Variants in POFUT3 observed in about 807,000 individuals in gnomAD.
The protein encoded by POFUT3 is protein O-fucosyltransferase 3, also known as GDP-fucose protein O-fucosyltransferase 3.
the POFUT3 span, among the ~76,000 whole-genome samples, chr8:33,366,163 A>T: frequency 6.6e-6 from 1 of 152,214 alleles, no homozygotes; most frequent in African/African-American, 2.4e-5. Flanking sequence ...AAGGACAGAA[A>T]ACCAAACACT....
the POFUT3 span, among the ~76,000 whole-genome samples, chr8:33,463,946 A>G: frequency 1.3e-5 from 2 of 152,056 alleles, no homozygotes; most frequent in African/African-American, 2.4e-5. Flanking sequence ...TCTTTCATCC[A>G]TGAAATTCCC....
chr8:33,450,680 G>T, the POFUT3 span, among the ~76,000 whole-genome samples: 6 of 152,134 alleles, frequency 3.9e-5, no homozygotes, highest in Admixed American at 6.6e-5. Context: ...CATAGATTCG[G>T]TTCTCCATGA....
At chr8:33,374,082 C>G in the POFUT3 span, among the ~76,000 whole-genome samples, 1 of 152,218 alleles carries the variant, frequency 6.6e-6, no homozygotes, top group Admixed American at 6.5e-5. Context: ...GCATTGCCGT[C>G]TGAGCTCTGC....
the POFUT3 span, among the ~76,000 whole-genome samples, chr8:33,355,817 G>T: frequency 1.3e-5 from 2 of 151,700 alleles, no homozygotes; most frequent in Admixed American, 6.6e-5. Flanking sequence ...GCTATCCCTC[G>T]CCCCTCCCCC....
chr8:33,442,432 C>T, the POFUT3 span, among the ~76,000 whole-genome samples: 2 of 152,144 alleles, frequency 1.3e-5, no homozygotes, highest in South Asian at 2.1e-4. Context: ...GGACTACAGG[C>T]GCCTGCCACC....
At chr8:33,352,357 C>T in the POFUT3 span, among the ~76,000 whole-genome samples, 10 of 152,284 alleles carry the variant, frequency 6.6e-5, no homozygotes, top group Middle Eastern at 6.8e-3. Flanking sequence ...ATACCTTAAA[C>T]GGGGCTTTAT....
chr8:33,358,236 G>A, the POFUT3 span, among the ~76,000 whole-genome samples: 10 of 152,226 alleles, frequency 6.6e-5, no homozygotes, highest in South Asian at 2.1e-3. Flanking sequence ...CTGGGCAACA[G>A]AGCAAAACCC....
the POFUT3 span, among the ~76,000 whole-genome samples, chr8:33,315,202 A>G: frequency 2.4e-4 from 36 of 152,302 alleles, no homozygotes; most frequent in Admixed American, 2.4e-3. Flanking sequence ...CCATCCCTGA[A>G]TCACTCAAAA....
chr8:33,339,230 T>C, the POFUT3 span, among the ~76,000 whole-genome samples: 1 of 151,916 alleles, frequency 6.6e-6, no homozygotes, highest in African/African-American at 2.4e-5. Flanking sequence ...AAGAAAGAAA[T>C]AGAAGATATA....
chr8:33,423,763 T>A, the POFUT3 span, among the ~76,000 whole-genome samples: 1 of 132,800 alleles, frequency 7.5e-6, no homozygotes, highest in South Asian at 2.5e-4. Flanking sequence ...AGATTTTGAA[T>A]CTACCAATAT....
the POFUT3 span, among the ~76,000 whole-genome samples, chr8:33,417,956 C>T: frequency 6.6e-6 from 1 of 152,138 alleles, no homozygotes; most frequent in South Asian, 2.1e-4. Flanking sequence ...CATGCGACAG[C>T]ACCTCACCCT....
the POFUT3 span, among the ~76,000 whole-genome samples, chr8:33,332,194 A>G: frequency 0.042 from 6,311 of 150,612 alleles, 416 homozygotes; most frequent in African/African-American, 0.15. Context: ...AAAAAAAAAA[A>G]AAAACGAAGC....
At chr8:33,349,351 T>C in the POFUT3 span, among the ~76,000 whole-genome samples, 54 of 152,276 alleles carry the variant, frequency 3.5e-4, no homozygotes, top group Admixed American at 2.0e-3. Context: ...AGTTCTTTAG[T>C]AGTAATTTCT....
chr8:33,337,216 C>T, the POFUT3 span, among the ~76,000 whole-genome samples: 14 of 152,164 alleles, frequency 9.2e-5, no homozygotes, highest in South Asian at 4.1e-4. Context: ...GTTTTAAAAC[C>T]GGAAAAATCT....
the POFUT3 span, among the ~76,000 whole-genome samples, chr8:33,309,379 T>TC: frequency 1.1e-5 from 1 of 91,652 alleles, no homozygotes; most frequent in African/African-American, 5.2e-5. Flanking sequence ...GTGTGTGTTT[T>TC]TCTCCCCTCG....
chr8:33,380,040 G>A, the POFUT3 span, among the ~76,000 whole-genome samples: 5,007 of 59,078 alleles, frequency 0.085, 682 homozygotes, highest in East Asian at 0.24. Context: ...ATATATATAC[G>A]ATATATATAC....
the POFUT3 span, among the ~76,000 whole-genome samples, chr8:33,412,400 C>A: frequency 1.3e-5 from 2 of 152,138 alleles, no homozygotes; most frequent in African/African-American, 4.8e-5. Context: ...TCAACTACTG[C>A]GCCACCAAGG....
chr8:33,407,614 T>G, the POFUT3 span, among the ~76,000 whole-genome samples: 1 of 151,982 alleles, frequency 6.6e-6, no homozygotes, highest in Non-Finnish European at 1.5e-5. Flanking sequence ...TGAAATCAGG[T>G]AAGTAATGCA....
chr8:33,406,783 G>C, the POFUT3 span, among the ~76,000 whole-genome samples: 8 of 151,798 alleles, frequency 5.3e-5, no homozygotes, highest in Non-Finnish European at 2.9e-5. Context: ...CAGGCTGAGG[G>C]CAAACTCCTG....
Sources: allele counts gnomAD v4.1 joint callset (sites outside exome capture counted in the v4.1 genomes callset), GRCh38; gene constraint gnomAD v4.1.1; transcripts MANE v1.5; gene names NCBI Gene and HGNC (gene_info 2026-07-23, HGNC 2026-07-21).